Variants in KIF1B observed in about 807,000 individuals in gnomAD.
The protein encoded by KIF1B is kinesin-like protein KIF1B.
Under a neutral mutation model 241.9 loss-of-function variants are expected in KIF1B, and 76 were observed. The observed-to-expected ratio is 0.31, with a 90% CI of 0.26 to 0.38. The LOEUF is 0.38. KIF1B is among the 10% of genes least tolerant of loss of function. The pLI, the probability that KIF1B is intolerant of heterozygous loss-of-function variation, is 1.00. For missense variants in KIF1B, 1,622 were observed against 2,271.4 expected, an observed-to-expected ratio of 0.71 and a Z score of 5.81; for synonymous variants, 750 against 796.7, an observed-to-expected ratio of 0.94 and a Z score of 0.99.
intron 38 of KIF1B, among the ~76,000 whole-genome samples, 169 bp from the exon 39 acceptor site, chr1:10,360,760 A>G (rs1044331522): frequency 6.6e-6 from 1 of 151,762 alleles, no homozygotes; most frequent in African/African-American, 2.4e-5. Flanking sequence ...ATGGGGACCT[A>G]TCTTTTCCTC....
chr1:10,214,739 T>C (rs919819559), intron 1 of KIF1B, among the ~76,000 whole-genome samples: 2 of 151,614 alleles, frequency 1.3e-5, no homozygotes, highest in Non-Finnish European at 2.9e-5. Context: ...CACACCACCA[T>C]GCCCAGCTAA....
intron 34 of KIF1B, 28 bp downstream of exon 34, chr1:10,343,315 AT>A: frequency 6.2e-7 from 1 of 1,608,836 alleles, no homozygotes; most frequent in African/African-American, 1.3e-5. Flanking sequence ...TTTTTGCATG[AT>A]GATCTCTTTG....
In KIF1B at chr1:10,339,825, G is replaced by T; in HGVS notation, c.3479G>T (p.Arg1160Ile). ...ACGGAGCCCCTCAAAAACAATGGCAGAGGAAGTCCCCTGGCCTTTTATCAT... is the reference window on the plus strand; with the variant it reads ...ACGGAGCCCCTCAAAAACAATGGCATAGGAAGTCCCCTGGCCTTTTATCAT... ...FSTEPLKNNG[R>I]GSPLAFYHVQ... Residue 1160 changes from arginine to isoleucine, a missense_variant, in exon 32 of 49, where the codon AGA (arginine) becomes ATA (isoleucine). By Grantham distance (97) the Arg-to-Ile change is moderately conservative. Transcript: ENST00000676179. The T allele has an allele frequency of 6.2e-7, 1 of 1,614,150 alleles. No homozygotes were observed. Among genetic ancestry groups the T allele is most frequent in the Non-Finnish European group, 8.5e-7 (1 of 1,179,996 alleles).
At chr1:10,347,917 A>G in intron 36 of KIF1B, 90 bp downstream of exon 36, 1 of 1,186,122 alleles carries the variant, frequency 8.4e-7, no homozygotes, top group South Asian at 1.2e-5. Context: ...CTCTGTTTTC[A>G]TCTCTATTTC....
At chr1:10,321,354 TCTGC>T (rs1200027975) in intron 23 of KIF1B, among the ~76,000 whole-genome samples, 2 of 152,190 alleles carry the variant, frequency 1.3e-5, no homozygotes, top group African/African-American at 4.8e-5. Context: ...TCCGCCTACC[TCTGC>T]CTTCCAAAGT....
At chr1:10,279,177 C>T (rs889985679) in intron 14 of KIF1B, 39 bp downstream of exon 14, 15 of 1,363,862 alleles carry the variant, frequency 1.1e-5, no homozygotes, top group Non-Finnish European at 1.5e-5. Context: ...AGTACTCTGA[C>T]TTGCTAATCT....
At chr1:10,369,749 A>G (rs551807256) in intron 44 of KIF1B, among the ~76,000 whole-genome samples, 4 of 152,200 alleles carry the variant, frequency 2.6e-5, no homozygotes, top group South Asian at 4.1e-4. Flanking sequence ...CCTGACCAAC[A>G]TGGAGAAACC....
Position 10,320,064 on chromosome 1 carries a change from G to A in KIF1B, c.2137G>A (p.Ala713Thr), listed in dbSNP as rs1354927981. The A allele has an allele frequency of 4.3e-6, 7 of 1,613,050 alleles. No individual in the cohort carries two copies. The South Asian group carries it at 5.5e-5, about 13-fold the overall frequency. Reference protein sequence around the residue: ...QRLDYESKLQALQKQVETRSL... With the variant: ...QRLDYESKLQTLQKQVETRSL... Reference sequence around the variant, plus strand: ...TCAGGACTATGAGAGTAAATTGCAGGCCTTGCAGAAGCAGGTTGAAACCCG... The same window carrying A: ...TCAGGACTATGAGAGTAAATTGCAGACCTTGCAGAAGCAGGTTGAAACCCG... The change falls in exon 23 of 49, where the codon GCC becomes ACC. Residue 713 changes from alanine (A) to threonine (T), a missense_variant. Around this residue, in one of 7 missense-constraint regions of KIF1B, gnomAD observed 803 missense variants for 1,112.0 expected, o/e 0.72. Coordinates refer to ENST00000676179, the MANE Select transcript of KIF1B (RefSeq NM_001365951.3).
chr1:10,251,312 T>C (rs1319520416), intron 2 of KIF1B, among the ~76,000 whole-genome samples: 6 of 147,452 alleles, frequency 4.1e-5, no homozygotes, highest in Non-Finnish European at 4.4e-5. Flanking sequence ...AGTTAACTCA[T>C]TGGTGTAGTT....
chr1:10,267,650 A>C, intron 6 of KIF1B, 92 bp downstream of exon 6: 4 of 1,239,960 alleles, frequency 3.2e-6, no homozygotes, highest in Non-Finnish European at 4.7e-6. Flanking sequence ...ATTTATAGCT[A>C]TGAAAGTTGC....
chr1:10,379,879 C>T lies in KIF1B; in HGVS notation c.*3292C>T. ...AGCCAGCCCATGCGCTAGTCAGGAGCACAGGCAAGGGGTGCTTGTGGCAGT... is the reference window on the plus strand; with the variant it reads ...AGCCAGCCCATGCGCTAGTCAGGAGTACAGGCAAGGGGTGCTTGTGGCAGT... On this transcript the variant is annotated 3_prime_UTR_variant, in exon 49 of 49. Transcript: ENST00000676179. 1 of 229,814 alleles carries T rather than the reference C, an allele frequency of 4.4e-6. No individual in the cohort carries two copies. The highest frequency in any genetic ancestry group is 1.8e-4 in the South Asian group (1 of 5,504). 14.2% of individuals were successfully genotyped at this position (229,814 alleles called of 1,614,324 possible).
At position 10,320,057 on chromosome 1, in the gene KIF1B, A is replaced by G. The variant is rs958687491; in HGVS notation, c.2130A>G (p.Lys710=). 6.2e-7 allele frequency: 1 copy of G among 1,612,430 alleles called. No individual in the cohort carries two copies. Among genetic ancestry groups the G allele is most frequent in the African/African-American group, 1.3e-5 (1 of 74,866 alleles). The change falls in exon 23 of 49, where the codon AAA becomes AAG. Residue 710 remains lysine, a synonymous_variant. Coordinates refer to ENST00000676179, the MANE Select transcript of KIF1B (RefSeq NM_001365951.3). ...TTTTCATTCAGGACTATGAGAGTAAATTGCAGGCCTTGCAGAAGCAGGTTG... is the reference window on the plus strand; with the variant it reads ...TTTTCATTCAGGACTATGAGAGTAAGTTGCAGGCCTTGCAGAAGCAGGTTG... ...LEQQRLDYES[K]LQALQKQVET...
intron 7 of KIF1B, among the ~76,000 whole-genome samples, chr1:10,268,599 T>C (rs996696502): frequency 6.6e-6 from 1 of 151,730 alleles, no homozygotes; most frequent in Non-Finnish European, 1.5e-5. Context: ...TTTATTACCT[T>C]ATTAGCTGCC....
In KIF1B at chr1:10,216,957, C is replaced by CTTTT. The variant is rs70998362; in HGVS notation, c.-80+6110_-80+6113dup. Among the ~76,000 whole-genome samples the CTTTT allele has an allele frequency of 7.5e-3, 411 of 54,512 alleles. 9 individuals are homozygous for CTTTT. The highest frequency in any genetic ancestry group is 9.2e-3 in the Non-Finnish European group (279 of 30,456). The allele number at this position is 54,512 out of a possible 152,430, so 35.8% of individuals were successfully genotyped here. On this transcript the variant is annotated intron_variant, in intron 1 of 48. Coordinates refer to ENST00000676179, the MANE Select transcript of KIF1B (RefSeq NM_001365951.3). ...TTTCCCTGCAGTACTTGCCCATTTT[C>CTTTT]TTTTTTTTTTTTTTTTTTTTTTTTT...
At chr1:10,308,179 T>C in intron 22 of KIF1B, 1 of 1,062,304 alleles carries the variant, frequency 9.4e-7, no homozygotes, top group South Asian at 4.6e-5. Flanking sequence ...TACAAATGAC[T>C]GGGAGGCGGG....
intron 40 of KIF1B, 99 bp from the exon 41 acceptor site, chr1:10,363,184 G>A: frequency 1.2e-6 from 1 of 848,084 alleles, no homozygotes; most frequent in South Asian, 1.4e-5. Flanking sequence ...TTATATTTGA[G>A]TCCCTGCAGA....
chr1:10,273,695 TTCCTCC>T (rs559421847), intron 10 of KIF1B, among the ~76,000 whole-genome samples: 3 of 110,580 alleles, frequency 2.7e-5, no homozygotes, highest in African/African-American at 1.3e-4. Context: ...CCTACTCCCT[TTCCTCC>T]TCCTCCTCAA....
rs1467106818 is a variant in KIF1B, at chr1:10,374,312, A to T, written c.4947-4A>T. ...CTTTTCTTTCTAATCTCTCTATTTT[A>T]AAGGACCCCAGAAGCCAATTCCCGG... On this transcript the variant is annotated splice_polypyrimidine_tract_variant and splice_region_variant and intron_variant, in intron 45 of 48. Coordinates refer to ENST00000676179, the MANE Select transcript of KIF1B (RefSeq NM_001365951.3). The surrounding 1 kb of genome is among the most constrained non-coding windows in gnomAD (Gnocchi z 4.3). The T allele has an allele frequency of 6.2e-7, 1 of 1,613,560 alleles. No homozygotes were observed. Among genetic ancestry groups the T allele is most frequent in the Non-Finnish European group, 8.5e-7 (1 of 1,179,520 alleles).
chr1:10,238,969 G>A (rs1374270875), intron 2 of KIF1B, among the ~76,000 whole-genome samples: 2 of 151,720 alleles, frequency 1.3e-5, no homozygotes, highest in Non-Finnish European at 2.9e-5. Context: ...GTTTTTTTGA[G>A]ACAGGGTCTC....
Sources: allele counts gnomAD v4.1 joint callset (sites outside exome capture counted in the v4.1 genomes callset), GRCh38; gene constraint gnomAD v4.1.1; regional missense constraint gnomAD v4.1.1; non-coding constraint Gnocchi (gnomAD v3.1); transcripts MANE v1.5; gene names NCBI Gene and HGNC (gene_info 2026-07-23, HGNC 2026-07-21).